Variants in NRIP1 observed in about 807,000 individuals in gnomAD.
NRIP1 encodes the protein nuclear receptor interacting protein 1, also known as nuclear receptor-interacting protein 1.
A neutral mutation model predicts 75.0 loss-of-function variants in NRIP1; 28 were observed. That is an observed-to-expected ratio of 0.37 (90% CI 0.28 to 0.51). The LOEUF (loss-of-function observed/expected upper bound fraction) is 0.51, where lower values mean the gene tolerates loss of function less well. Among genes scored for constraint, NRIP1 ranks in the 20% least tolerant of loss-of-function variants. The pLI is 0.92. For missense variants in NRIP1, 1,435 were observed against 1,343.7 expected, an observed-to-expected ratio of 1.07 and a Z score of -1.06; for synonymous variants, 526 against 487.6, an observed-to-expected ratio of 1.08 and a Z score of -1.04.
intron 3 of NRIP1, among the ~76,000 whole-genome samples, chr21:15,005,889 G>A (rs965526699): frequency 6.6e-5 from 10 of 152,096 alleles, no homozygotes; most frequent in Admixed American, 3.3e-4. Context: ...AATTCAGGTC[G>A]AATTCTTTCT....
rs1051623713 is a variant in NRIP1 at position 15,064,909 on chromosome 21, T to TGGCG, written c.-706_-703dup. ...CCACGGGCGGACGGGCGCGCGCGGG[T>TGGCG]GGCGGGCGGGCGTGGGGCCGGGTCG... On this transcript the variant is annotated 5_prime_UTR_variant, in exon 1 of 4. Transcript: ENST00000318948. 6 of 147,906 alleles carry TGGCG rather than the reference T, an allele frequency of 4.1e-5. No individual in the cohort carries two copies. The highest frequency in any genetic ancestry group is 6.7e-5 in the Admixed American group (1 of 14,928). The allele number at this position is 147,906 out of a possible 1,614,324, so 9.2% of individuals were successfully genotyped here.
intron 2 of NRIP1, among the ~76,000 whole-genome samples, chr21:15,028,919 T>C (rs1261539365): frequency 1.3e-5 from 2 of 152,156 alleles, no homozygotes; most frequent in South Asian, 2.1e-4. Context: ...GTTTAATATG[T>C]CAATAACTGA....
chr21:15,047,186 C>T (rs2089098306), intron 1 of NRIP1, among the ~76,000 whole-genome samples: 1 of 152,118 alleles, frequency 6.6e-6, no homozygotes, highest in South Asian at 2.1e-4. Context: ...GAAAGCAAGG[C>T]ACCTTCTTCA....
intron 2 of NRIP1, among the ~76,000 whole-genome samples, chr21:15,034,554 A>G (rs2088788767): frequency 6.6e-6 from 1 of 152,236 alleles, no homozygotes; most frequent in South Asian, 2.1e-4. Flanking sequence ...TTTATAGTTC[A>G]AACAAATTCA....
At chr21:15,048,454 A>G (rs2089135488) in intron 1 of NRIP1, among the ~76,000 whole-genome samples, 1 of 152,248 alleles carries the variant, frequency 6.6e-6, no homozygotes, top group South Asian at 2.1e-4. Context: ...AATCTTAACT[A>G]CAGGCAGGAT....
In NRIP1 at chr21:14,962,982, T is replaced by C. The variant is rs1374678153; in HGVS notation, c.*1734A>G. On this transcript the variant is annotated 3_prime_UTR_variant, in exon 4 of 4. Coordinates refer to ENST00000318948, the MANE Select transcript of NRIP1 (RefSeq NM_003489.4). ...AAGAACAAAATATCTGGTGAATGAA[T>C]TGTGGATTGTACAAACTGAACATAA... 8.5e-5 allele frequency: 13 copies of C among 152,388 alleles called. No homozygotes were observed. The highest frequency in any genetic ancestry group is 4.4e-5 in the Non-Finnish European group (3 of 67,944). The allele number at this position is 152,388 out of a possible 1,614,324, so 9.4% of individuals were successfully genotyped here.
chr21:15,020,236 G>T (rs1272935660), intron 2 of NRIP1, among the ~76,000 whole-genome samples: 1 of 152,060 alleles, frequency 6.6e-6, no homozygotes, highest in African/African-American at 2.4e-5. Flanking sequence ...CAACAGTGTT[G>T]GTCCTGCTAT....
chr21:15,047,752 A>G (rs2089116885), intron 1 of NRIP1, among the ~76,000 whole-genome samples: 1 of 152,180 alleles, frequency 6.6e-6, no homozygotes, highest in Non-Finnish European at 1.5e-5. Flanking sequence ...TTGTGTTCTT[A>G]TCATTCATGT....
chr21:15,045,783 A>T (rs2089060319), intron 1 of NRIP1, among the ~76,000 whole-genome samples: 1 of 152,250 alleles, frequency 6.6e-6, no homozygotes. Context: ...AATTATGTTT[A>T]CATGATATTC....
At chr21:15,000,875 A>T (rs1164897920) in intron 3 of NRIP1, among the ~76,000 whole-genome samples, 2 of 152,206 alleles carry the variant, frequency 1.3e-5, no homozygotes, top group Non-Finnish European at 2.9e-5. Flanking sequence ...CTTTGAAAAC[A>T]TCCCCTTTAT....
intron 1 of NRIP1, among the ~76,000 whole-genome samples, chr21:15,064,359 C>T (rs1978645929): frequency 6.6e-6 from 1 of 152,218 alleles, no homozygotes; most frequent in Admixed American, 6.5e-5. Context: ...GACAGCAGGA[C>T]GGAGAGCGGC....
At chr21:15,005,340 C>T (rs1052551818) in intron 3 of NRIP1, among the ~76,000 whole-genome samples, 10 of 150,498 alleles carry the variant, frequency 6.6e-5, no homozygotes, top group African/African-American at 2.5e-4. Flanking sequence ...GGGATTATTT[C>T]CTACAGCAAA....
At chr21:15,021,770 G>T (rs978863066) in intron 2 of NRIP1, among the ~76,000 whole-genome samples, 1 of 152,090 alleles carries the variant, frequency 6.6e-6, no homozygotes, top group Admixed American at 6.5e-5. Context: ...CATTCGTGCG[G>T]CCAGCAAATA....
rs779339850 is a variant in NRIP1, at chr21:14,966,112, G to A, written c.2081C>T (p.Pro694Leu). The change falls in exon 4 of 4, where the codon CCT (proline) becomes CTT (leucine). Residue 694 changes from proline (P) to leucine (L), a missense_variant. Physicochemically the swap from Pro to Leu is moderately conservative, Grantham distance 98. Transcript: ENST00000318948. Reference protein sequence around the residue: ...NKAFSSQPTGPEPGLSGSEIE... With the variant: ...NKAFSSQPTGLEPGLSGSEIE... ...TTCAGAACCAGAAAGCCCTGGTTCA[G>A]GACCTGTTGGTTGACTACTAAATGC... is the stretch of plus-strand genomic sequence containing the variant. 6.2e-7 allele frequency: 1 copy of A among 1,612,330 alleles called. No individual in the cohort carries two copies. The highest frequency in any genetic ancestry group is 1.1e-5 in the South Asian group (1 of 91,084).
At chr21:15,035,310 T>G (rs1376165093) in intron 2 of NRIP1, among the ~76,000 whole-genome samples, 1 of 152,172 alleles carries the variant, frequency 6.6e-6, no homozygotes. Context: ...TCTTTTAAAA[T>G]ACAAGTTTAC....
chr21:15,052,727 A>C (rs1298042250), intron 1 of NRIP1, among the ~76,000 whole-genome samples: 1 of 152,206 alleles, frequency 6.6e-6, no homozygotes, highest in Non-Finnish European at 1.5e-5. Flanking sequence ...AATTCCAAAA[A>C]ACACAATGAA....
intron 2 of NRIP1, among the ~76,000 whole-genome samples, chr21:15,035,816 A>G (rs1380958227): frequency 6.6e-6 from 1 of 152,108 alleles, no homozygotes; most frequent in East Asian, 1.9e-4. Context: ...TCGGCCTCCC[A>G]AAGTGCTGGG....
intron 1 of NRIP1, among the ~76,000 whole-genome samples, chr21:15,049,423 T>C (rs2089156429): frequency 6.6e-6 from 1 of 152,066 alleles, no homozygotes. Context: ...CTCAAGAGTA[T>C]ATCAAAACAC....
chr21:15,017,508 A>G (rs1219680022), intron 2 of NRIP1, among the ~76,000 whole-genome samples: 1 of 152,256 alleles, frequency 6.6e-6, no homozygotes, highest in African/African-American at 2.4e-5. Context: ...TGTCTCAAAC[A>G]TAACAATAAG....
Sources: gnomAD v4.1 joint callset for allele counts (sites outside exome capture counted in the v4.1 genomes callset) on GRCh38, gnomAD v4.1.1 for gene constraint, MANE v1.5 for transcripts, NCBI Gene and HGNC (gene_info 2026-07-23, HGNC 2026-07-21) for gene names.